The following DRC11 variants were observed in gnomAD, a reference collection of about 807,000 sequenced individuals.
DRC11 encodes the protein dynein regulatory complex subunit 11.
chr2:236,505,168 T>C, the DRC11 span, among the ~76,000 whole-genome samples: 1 of 152,238 alleles, frequency 6.6e-6, no homozygotes, highest in South Asian at 2.1e-4. Flanking sequence ...GTCAGGAGGC[T>C]TGTGGATGAA....
At chr2:236,350,602 G>A in the DRC11 span, among the ~76,000 whole-genome samples, 3 of 152,252 alleles carry the variant, frequency 2.0e-5, no homozygotes, top group Non-Finnish European at 4.4e-5. The surrounding 1 kb of genome is among the most constrained non-coding windows in gnomAD (Gnocchi z 5.2). Flanking sequence ...GATGAGTCAT[G>A]TGCTGGCTCA....
the DRC11 span, among the ~76,000 whole-genome samples, chr2:236,425,332 T>A: frequency 6.6e-6 from 1 of 152,070 alleles, no homozygotes; most frequent in Non-Finnish European, 1.5e-5. Flanking sequence ...TTGTCTTTTG[T>A]CTTTTTGATA....
At chr2:236,369,518 C>T in the DRC11 span, among the ~76,000 whole-genome samples, 37 of 152,314 alleles carry the variant, frequency 2.4e-4, no homozygotes, top group African/African-American at 7.7e-4. This position sits in a 1 kb window ranked among gnomAD's most constrained non-coding sequence, Gnocchi z 4.5. Context: ...TTAAATCCAG[C>T]GCTCATTGCC....
At chr2:236,434,999 C>T in the DRC11 span, among the ~76,000 whole-genome samples, 1 of 152,138 alleles carries the variant, frequency 6.6e-6, no homozygotes, top group African/African-American at 2.4e-5. This position sits in a 1 kb window ranked among gnomAD's most constrained non-coding sequence, Gnocchi z 5.5. Context: ...TCATGGAATT[C>T]AGTGAAGGAG....
chr2:236,411,134 C>T, the DRC11 span, among the ~76,000 whole-genome samples: 24,944 of 147,206 alleles, frequency 0.17, 2,343 homozygotes, highest in Non-Finnish European at 0.22. Flanking sequence ...AGAAAATTTT[C>T]GCAACCTACT....
the DRC11 span, among the ~76,000 whole-genome samples, chr2:236,400,238 C>A: frequency 9.2e-5 from 14 of 152,178 alleles, no homozygotes; most frequent in African/African-American, 2.4e-4. The surrounding 1 kb of genome is among the most constrained non-coding windows in gnomAD (Gnocchi z 7.9). Context: ...GACTCTGGGG[C>A]CCTGCTTCCT....
At chr2:236,465,512 C>T in the DRC11 span, 227 of 1,612,582 alleles carry the variant, frequency 1.4e-4, 1 homozygote, top group East Asian at 8.2e-4. This position sits in a 1 kb window ranked among gnomAD's most constrained non-coding sequence, Gnocchi z 6.2. Context: ...CACCTGCATT[C>T]GATGAACCAA....
At chr2:236,370,802 T>C in the DRC11 span, among the ~76,000 whole-genome samples, 1 of 4,236 alleles carries the variant, frequency 2.4e-4, no homozygotes, top group Non-Finnish European at 4.7e-4. This position sits in a 1 kb window ranked among gnomAD's most constrained non-coding sequence, Gnocchi z 5.5. Flanking sequence ...AGCAGTGGGG[T>C]GGGTGGTGGG....
chr2:236,402,448 C>T, the DRC11 span, among the ~76,000 whole-genome samples: 2 of 152,224 alleles, frequency 1.3e-5, no homozygotes, highest in Admixed American at 6.5e-5. The surrounding 1 kb of genome is among the most constrained non-coding windows in gnomAD (Gnocchi z 6.0). Context: ...TTTGCATTTG[C>T]TCAGGTCACC....
the DRC11 span, among the ~76,000 whole-genome samples, chr2:236,309,568 T>A: frequency 6.6e-6 from 1 of 152,306 alleles, no homozygotes; most frequent in Middle Eastern, 3.4e-3. This position sits in a 1 kb window ranked among gnomAD's most constrained non-coding sequence, Gnocchi z 5.7. Context: ...AACATTTACT[T>A]ACTGGAAATG....
At chr2:236,408,914 G>T in the DRC11 span, 1 of 668,056 alleles carries the variant, frequency 1.5e-6, no homozygotes, top group Non-Finnish European at 2.8e-6. The surrounding 1 kb of genome is among the most constrained non-coding windows in gnomAD (Gnocchi z 5.5). Context: ...CTTGCACGAT[G>T]TGGGTCATGC....
At chr2:236,421,134 A>G in the DRC11 span, among the ~76,000 whole-genome samples, 1 of 152,304 alleles carries the variant, frequency 6.6e-6, no homozygotes, top group African/African-American at 2.4e-5. Context: ...ACACCCTAAC[A>G]TCACAATTAA....
At chr2:236,423,074 G>A in the DRC11 span, among the ~76,000 whole-genome samples, 2 of 150,938 alleles carry the variant, frequency 1.3e-5, no homozygotes, top group African/African-American at 2.4e-5. Flanking sequence ...AGACTTAAAC[G>A]TTAGACCTAA....
At chr2:236,465,707 G>C in the DRC11 span, 1 of 1,600,070 alleles carries the variant, frequency 6.2e-7, no homozygotes, top group South Asian at 1.1e-5. The surrounding 1 kb of genome is among the most constrained non-coding windows in gnomAD (Gnocchi z 6.2). Context: ...AGAGGAGGTG[G>C]ATTCTGAAAA....
At chr2:236,307,460 T>C in the DRC11 span, among the ~76,000 whole-genome samples, 67 of 152,304 alleles carry the variant, frequency 4.4e-4, no homozygotes, top group Non-Finnish European at 5.3e-4. This position sits in a 1 kb window ranked among gnomAD's most constrained non-coding sequence, Gnocchi z 7.0. Context: ...TAACATGCTA[T>C]TTGTAAAGCT....
the DRC11 span, among the ~76,000 whole-genome samples, chr2:236,426,276 T>A: frequency 1.3e-5 from 2 of 152,076 alleles, no homozygotes; most frequent in Non-Finnish European, 2.9e-5. The surrounding 1 kb of genome is among the most constrained non-coding windows in gnomAD (Gnocchi z 4.1). Flanking sequence ...GTACAGGATA[T>A]CTTTCTATTT....
the DRC11 span, among the ~76,000 whole-genome samples, chr2:236,371,381 C>T: frequency 2.6e-5 from 4 of 152,126 alleles, no homozygotes; most frequent in Non-Finnish European, 4.4e-5. This position sits in a 1 kb window ranked among gnomAD's most constrained non-coding sequence, Gnocchi z 5.1. Context: ...GTCCTCATCT[C>T]GTTAATGCTC....
chr2:236,459,597 A>ATATACGTACG, the DRC11 span, among the ~76,000 whole-genome samples: 1 of 135,322 alleles, frequency 7.4e-6, no homozygotes, highest in Non-Finnish European at 1.6e-5. Context: ...ACGTATACGT[A>ATATACGTACG]TACATATATA....
the DRC11 span, among the ~76,000 whole-genome samples, chr2:236,348,027 C>G: frequency 2.0e-5 from 3 of 152,292 alleles, no homozygotes; most frequent in Middle Eastern, 3.4e-3. The surrounding 1 kb of genome is among the most constrained non-coding windows in gnomAD (Gnocchi z 7.4). Context: ...ATCAATGAAA[C>G]AGACAAAATG....
Sources: gnomAD v4.1 joint callset for allele counts (sites outside exome capture counted in the v4.1 genomes callset) on GRCh38, gnomAD v4.1.1 for gene constraint, Gnocchi (gnomAD v3.1) non-coding constraint, MANE v1.5 for transcripts, NCBI Gene and HGNC (gene_info 2026-07-23, HGNC 2026-07-21) for gene names.